The following KIAA0825 variants were observed in gnomAD, a reference collection of about 807,000 sequenced individuals.
KIAA0825 encodes the protein uncharacterized protein KIAA0825.
KIAA0825 carries 119 observed loss-of-function variants against 147.6 expected under a neutral mutation model. The ratio of observed to expected loss-of-function variants is 0.81; its 90% confidence interval spans 0.69 to 0.94. The LOEUF (loss-of-function observed/expected upper bound fraction) is 0.94, where lower values mean the gene tolerates loss of function less well. Among genes scored for constraint, KIAA0825 ranks in the 40% least tolerant of loss-of-function variants. The pLI, the probability that KIAA0825 is intolerant of heterozygous loss-of-function variation, is 0.00. For synonymous variants in KIAA0825, 470 were observed against 518.1 expected, an observed-to-expected ratio of 0.91 and a Z score of 1.26; for missense variants, 1,381 against 1,472.7, an observed-to-expected ratio of 0.94 and a Z score of 1.02.
chr5:94,165,948 C>T (rs1480329142), intron 20 of KIAA0825, among the ~76,000 whole-genome samples: 2 of 152,114 alleles, frequency 1.3e-5, no homozygotes, highest in African/African-American at 4.8e-5. Flanking sequence ...TTTGATAGCA[C>T]AATATTGTGA....
At chr5:94,473,194 A>T in intron 8 of KIAA0825, 98 bp downstream of exon 8, 1 of 895,270 alleles carries the variant, frequency 1.1e-6, no homozygotes, top group Non-Finnish European at 1.7e-6. Flanking sequence ...TTGCCAAGGG[A>T]CTCCACCATT....
chr5:94,334,841 G>A (rs1781648777), intron 20 of KIAA0825, among the ~76,000 whole-genome samples: 1 of 152,088 alleles, frequency 6.6e-6, no homozygotes, highest in Non-Finnish European at 1.5e-5. Context: ...CTCTCCATTT[G>A]GTGAGATCTT....
At chr5:94,612,440 CTCT>C (rs1789107708) in intron 1 of KIAA0825, among the ~76,000 whole-genome samples, 2 of 152,010 alleles carry the variant, frequency 1.3e-5, no homozygotes, top group African/African-American at 4.8e-5. Flanking sequence ...TCTTACTCAA[CTCT>C]TCTTTCTTCC....
intron 20 of KIAA0825, among the ~76,000 whole-genome samples, chr5:94,245,616 T>C (rs1006226196): frequency 3.3e-5 from 5 of 152,166 alleles, no homozygotes; most frequent in African/African-American, 9.7e-5. Flanking sequence ...TATCAACACT[T>C]TGATCTTGTC....
chr5:94,170,150 T>A (rs1768477834), intron 20 of KIAA0825, among the ~76,000 whole-genome samples: 2 of 151,978 alleles, frequency 1.3e-5, no homozygotes, highest in South Asian at 4.2e-4. Context: ...ATACAAAAAA[T>A]AAGCCAGGCA....
At chr5:94,556,055 A>C (rs189866396) in intron 2 of KIAA0825, among the ~76,000 whole-genome samples, 6 of 145,654 alleles carry the variant, frequency 4.1e-5, no homozygotes, top group Admixed American at 1.4e-4. Flanking sequence ...GACATCAATT[A>C]CTTTTTTTTT....
intron 20 of KIAA0825, among the ~76,000 whole-genome samples, chr5:94,211,192 C>T (rs954509336): frequency 1.3e-5 from 2 of 152,120 alleles, no homozygotes; most frequent in Non-Finnish European, 2.9e-5. Flanking sequence ...TTTAGAAACA[C>T]TATTAGTGTA....
Position 94,396,454 on chromosome 5 carries a change from C to T in KIAA0825, c.2943G>A (p.Thr981=), listed in dbSNP as rs771653455. The change falls in exon 17 of 21, where the codon ACG becomes ACA. Residue 981 remains threonine, a synonymous_variant. Transcript: ENST00000682413. ...CTGGGGGAGGCAAACATGCAATCACCGTAGGTAACTTGCTGATTACAATAG... is the reference window on the plus strand; with the variant it reads ...CTGGGGGAGGCAAACATGCAATCACTGTAGGTAACTTGCTGATTACAATAG... The part of the protein sequence containing the change: ...AVSIVISKLP[T]VIACLPPPVK... 1.8e-4 allele frequency: 274 copies of T among 1,537,352 alleles called. 1 individual carries two copies. The South Asian group carries it at 2.0e-3, about 11-fold the overall frequency.
At chr5:94,435,147 C>T (rs1584483666) in intron 14 of KIAA0825, among the ~76,000 whole-genome samples, 1 of 149,722 alleles carries the variant, frequency 6.7e-6, no homozygotes, top group East Asian at 1.9e-4. Flanking sequence ...GTTTTCAGTT[C>T]AGGGGTACAT....
intron 14 of KIAA0825, among the ~76,000 whole-genome samples, chr5:94,430,579 A>G (rs2150784536): frequency 6.6e-6 from 1 of 152,334 alleles, no homozygotes; most frequent in Admixed American, 6.5e-5. Context: ...ATCCCGGGTC[A>G]TAAATGAAAT....
intron 20 of KIAA0825, among the ~76,000 whole-genome samples, chr5:94,279,529 T>C (rs1208006952): frequency 6.6e-6 from 1 of 152,064 alleles, no homozygotes; most frequent in Non-Finnish European, 1.5e-5. Flanking sequence ...ACCAACTGCA[T>C]CATCCATCAT....
chr5:94,311,259 T>G (rs1779148899), intron 20 of KIAA0825, among the ~76,000 whole-genome samples: 1 of 151,250 alleles, frequency 6.6e-6, no homozygotes, highest in Non-Finnish European at 1.5e-5. Context: ...TTTTTGTTGT[T>G]GTTGTTCTTT....
At position 94,152,861 on chromosome 5, in the gene KIAA0825, TATATATATATATATATATA is replaced by T. The variant is rs1766665630; in HGVS notation, c.*1127_*1145del. The T allele has an allele frequency of 2.5e-4, 1 of 4,016 alleles. No homozygotes were observed. Among genetic ancestry groups the T allele is most frequent in the Non-Finnish European group, 4.5e-4 (1 of 2,220 alleles). 0.2% of individuals were successfully genotyped at this position (4,016 alleles called of 1,614,324 possible). ...AAAAAAAAAAAAAAAAAAAATTATATATATATATATATATATATATATATATATATATATATATATATGG... is the reference window on the plus strand; with the variant it reads ...AAAAAAAAAAAAAAAAAAAATTATATTATATATATATATATATATATATGG... On this transcript the variant is annotated 3_prime_UTR_variant, in exon 21 of 21. Transcript: ENST00000682413.
At chr5:94,403,966 GATTCTT>G (rs71961406) in intron 15 of KIAA0825, among the ~76,000 whole-genome samples, 173 bp from the exon 16 acceptor site, 15,741 of 152,068 alleles carry the variant, frequency 0.1, 1,043 homozygotes, top group South Asian at 0.19. Flanking sequence ...TTTTTAAAAA[GATTCTT>G]CTTCTTTGTA....
intron 20 of KIAA0825, among the ~76,000 whole-genome samples, chr5:94,310,347 C>G (rs1182783427): frequency 1.3e-5 from 2 of 151,624 alleles, no homozygotes; most frequent in Non-Finnish European, 3.0e-5. Flanking sequence ...TCTTTGGCTC[C>G]TATTTTGAAT....
At chr5:94,155,322 A>C (rs575482985) in intron 20 of KIAA0825, among the ~76,000 whole-genome samples, 35 of 146,584 alleles carry the variant, frequency 2.4e-4, no homozygotes, top group Middle Eastern at 3.7e-3. Flanking sequence ...AGATCAAGTG[A>C]TCTTCCTGCC....
In KIAA0825 at chr5:94,572,693, T is replaced by C. The variant is rs115297649; in HGVS notation, c.-2+9740A>G. ...TATATATACAGCATAATACAGGATA[T>C]TTTTGAAAAAACAAACTATCCCATA... On this transcript the variant is annotated intron_variant, in intron 2 of 20. Transcript: ENST00000682413. Among the ~76,000 whole-genome samples, 584 of 152,272 alleles carry C rather than the reference T, an allele frequency of 3.8e-3. 3 individuals are homozygous for C. Among genetic ancestry groups the C allele is most frequent in the African/African-American group, 0.014 (563 of 41,546 alleles).
intron 20 of KIAA0825, among the ~76,000 whole-genome samples, chr5:94,214,420 G>T (rs1028257500): frequency 6.6e-6 from 1 of 152,082 alleles, no homozygotes; most frequent in African/African-American, 2.4e-5. Flanking sequence ...TATAAGAGAA[G>T]TTTCTTTTCA....
intron 18 of KIAA0825, among the ~76,000 whole-genome samples, chr5:94,387,326 T>C (rs892596945): frequency 6.6e-6 from 1 of 152,208 alleles, no homozygotes; most frequent in Non-Finnish European, 1.5e-5. Flanking sequence ...CTGGATCAGC[T>C]GAGTTAAGCC....
Sources: allele counts gnomAD v4.1 joint callset (sites outside exome capture counted in the v4.1 genomes callset), GRCh38; gene constraint gnomAD v4.1.1; transcripts MANE v1.5; gene names NCBI Gene and HGNC (gene_info 2026-07-23, HGNC 2026-07-21).